The following GEMIN5 variants were observed in gnomAD, a reference collection of about 807,000 sequenced individuals.
GEMIN5 encodes the protein gem-associated protein 5.
GEMIN5 carries 124 observed loss-of-function variants against 176.9 expected under a neutral mutation model. The ratio of observed to expected loss-of-function variants is 0.70; its 90% CI spans 0.61 to 0.81. GEMIN5 has a LOEUF of 0.81. Among genes scored for constraint, GEMIN5 ranks in the 40% least tolerant of loss-of-function variants. The pLI is 0.00. For missense variants in GEMIN5, 1,843 were observed against 1,814.6 expected (o/e 1.02, Z -0.28); for synonymous variants, 673 against 665.2 (o/e 1.01, Z -0.18).
intron 12 of GEMIN5, among the ~76,000 whole-genome samples, 198 bp from the exon 13 acceptor site, chr5:154,917,377 A>T (rs1763836077): frequency 6.6e-6 from 1 of 152,256 alleles, no homozygotes; most frequent in South Asian, 2.1e-4. Context: ...TTTAGCTTTT[A>T]AAAATTCTAG....
chr5:154,901,182 T>A (rs1440254877), intron 21 of GEMIN5, among the ~76,000 whole-genome samples, 157 bp downstream of exon 21: 1 of 152,170 alleles, frequency 6.6e-6, no homozygotes, highest in Non-Finnish European at 1.5e-5. Context: ...AAAAATTAGT[T>A]GGATGTGGTG....
intron 11 of GEMIN5, among the ~76,000 whole-genome samples, chr5:154,918,448 GTTAA>G (rs1432504617): frequency 6.6e-6 from 1 of 152,010 alleles, no homozygotes; most frequent in Non-Finnish European, 1.5e-5. Context: ...CTCTTCTCTT[GTTAA>G]TTGTCTCTTT....
At chr5:154,915,619 C>T (rs1763794626) in intron 13 of GEMIN5, among the ~76,000 whole-genome samples, 1 of 152,162 alleles carries the variant, frequency 6.6e-6, no homozygotes, top group Admixed American at 6.5e-5. Flanking sequence ...ATTAGCGATG[C>T]TACTTGCTTG....
chr5:154,920,045 G>C lies in GEMIN5; in HGVS notation c.1521C>G (p.Val507=), dbSNP rs752482694. The part of the protein sequence containing the change: ...ALYSCGGEGI[V]LQHNPWKLSG... ...TAAGCTTCCAGGGATTATGCTGTAA[G>C]ACAATCCCTTCTCCTCCACAGCTGT... The change falls in exon 11 of 28, where the codon GTC becomes GTG. Residue 507 remains valine, a synonymous_variant. Coordinates refer to ENST00000285873, the MANE Select transcript of GEMIN5 (RefSeq NM_015465.5). 3 of 1,609,446 alleles carry C rather than the reference G, an allele frequency of 1.9e-6. No homozygotes were observed. Among genetic ancestry groups the C allele is most frequent in the South Asian group, 1.1e-5 (1 of 90,996 alleles).
Position 154,898,541 on chromosome 5 carries a change from C to A in GEMIN5, c.3244G>T (p.Glu1082Ter). 6.2e-7 allele frequency: 1 copy of A among 1,614,108 alleles called. No homozygotes were observed. Among genetic ancestry groups the A allele is most frequent in the Non-Finnish European group, 8.5e-7 (1 of 1,179,968 alleles). The change falls in exon 23 of 28, where the codon GAG becomes TAG. Residue 1082 changes from glutamate (E) to a stop codon, truncating the protein, a stop_gained. Coordinates refer to ENST00000285873, the MANE Select transcript of GEMIN5 (RefSeq NM_015465.5). LOFTEE classifies it high-confidence loss of function. ...AELAAIVGED[E>*]LSASLALRCA... The stretch of plus-strand genomic sequence containing the variant: ...CTGAGAGCCAGGGAAGCAGACAACT[C>A]ATCCTCTCCTACGATGGCAGCCAAC...
intron 27 of GEMIN5, 44 bp downstream of exon 27, chr5:154,889,277 C>T: frequency 9.8e-7 from 1 of 1,015,604 alleles, no homozygotes; most frequent in Non-Finnish European, 1.6e-6. Flanking sequence ...CAAGTGATAA[C>T]ACAAAAAGTG....
intron 24 of GEMIN5, among the ~76,000 whole-genome samples, chr5:154,895,294 C>G (rs891242303): frequency 7.0e-6 from 1 of 142,196 alleles, no homozygotes; most frequent in Non-Finnish European, 1.5e-5. Context: ...TTGAGGAATT[C>G]GAGACCAGCC....
In GEMIN5 at chr5:154,927,150, C is replaced by A. The variant is rs181304133; in HGVS notation, c.1080+235G>T. Among the ~76,000 whole-genome samples the A allele has an allele frequency of 8.3e-4, 127 of 152,170 alleles. 2 individuals carry two copies. The highest frequency in any genetic ancestry group is 6.8e-3 in the Middle Eastern group (2 of 292). On this transcript the variant is annotated intron_variant, in intron 7 of 27. Coordinates refer to ENST00000285873, the MANE Select transcript of GEMIN5 (RefSeq NM_015465.5). ...TTGACCTAATACATCCTTCCCTGGG[C>A]AAAACTACCCTTCTTTATTATGTCT...
At chr5:154,904,311 C>T (rs892077035) in intron 18 of GEMIN5, among the ~76,000 whole-genome samples, 196 bp downstream of exon 18, 4 of 151,962 alleles carry the variant, frequency 2.6e-5, no homozygotes, top group African/African-American at 4.8e-5. Flanking sequence ...GCAGTGCTGA[C>T]GGTGGGTCAC....
intron 7 of GEMIN5, 131 bp downstream of exon 7, chr5:154,927,254 T>C (rs754376695): frequency 6.8e-6 from 4 of 590,610 alleles, no homozygotes; most frequent in Admixed American, 5.6e-5. Flanking sequence ...TGCTGATCTG[T>C]AGCAGTAACT....
At chr5:154,899,433 A>G in intron 21 of GEMIN5, 123 bp from the exon 22 acceptor site, 1 of 764,418 alleles carries the variant, frequency 1.3e-6, no homozygotes, top group South Asian at 3.0e-5. Flanking sequence ...AACTTCCTTT[A>G]AAAACTGCAC....
At chr5:154,923,275 G>A (rs1419072134) in intron 9 of GEMIN5, among the ~76,000 whole-genome samples, 1 of 152,086 alleles carries the variant, frequency 6.6e-6, no homozygotes, top group East Asian at 1.9e-4. Context: ...AGCTACTCAG[G>A]AGGCTGAGGC....
intron 5 of GEMIN5, 96 bp from the exon 6 acceptor site, chr5:154,928,755 A>T: frequency 9.7e-7 from 1 of 1,034,290 alleles, no homozygotes; most frequent in Non-Finnish European, 1.5e-6. Flanking sequence ...GCGCTGTAAA[A>T]GCTTGTTAGT....
At position 154,891,241 on chromosome 5, in the gene GEMIN5, C is replaced by T; in HGVS notation, c.4262G>A (p.Cys1421Tyr). The stretch of plus-strand genomic sequence containing the variant: ...GTCTTGTACTTGCCTCAGTACTTAC[C>T]ACTGGCTCTGAGAACTGCAGAGGGG... ...EQPLCSSQSQ[C>Y]KEEKNEPLSL... Residue 1421 changes from cysteine (C) to tyrosine (Y), a missense_variant and splice_region_variant, in exon 26 of 28, where the codon TGT (cysteine) becomes TAT (tyrosine). By Grantham distance (194) the Cys-to-Tyr change is radical. Transcript: ENST00000285873. The T allele has an allele frequency of 6.2e-7, 1 of 1,612,094 alleles. No homozygotes were observed. The highest frequency in any genetic ancestry group is 8.5e-7 in the Non-Finnish European group (1 of 1,178,690).
chr5:154,891,479 C>G lies in GEMIN5; in HGVS notation c.4024G>C (p.Asp1342His), dbSNP rs751399665. The G allele has an allele frequency of 6.2e-7, 1 of 1,614,052 alleles. No individual in the cohort carries two copies. The highest frequency in any genetic ancestry group is 8.5e-7 in the Non-Finnish European group (1 of 1,180,050). The change falls in exon 26 of 28, where the codon GAC (aspartate) becomes CAC (histidine). Residue 1342 changes from aspartate (D) to histidine (H), a missense_variant. Transcript: ENST00000285873. Reference protein sequence around the residue: ...QPEPNRPSELDLRLTEEGERM... With the variant: ...QPEPNRPSELHLRLTEEGERM... ...TCACCTTCTTCTGTGAGTCTCAAGT[C>G]TAGTTCTGAAGGCCTGTTTGGCTCT...
Position 154,924,483 on chromosome 5 carries a change from G to A in GEMIN5, c.1365C>T (p.Asp455=), listed in dbSNP as rs748026851. 26 of 1,607,724 alleles carry A rather than the reference G, an allele frequency of 1.6e-5. No homozygotes were observed. The highest frequency in any genetic ancestry group is 8.3e-5 in the Admixed American group (5 of 59,954). The change falls in exon 9 of 28, where the codon GAC becomes GAT. Residue 455 remains aspartate (D), a synonymous_variant. Coordinates refer to ENST00000285873, the MANE Select transcript of GEMIN5 (RefSeq NM_015465.5). ...CCATTTCTTACTTGTTGGAGTAGGT[G>A]TCATACAATCCCACTTTTCCATCAT... ...GTDDGKVGLY[D]TYSNKPPQIS...
At chr5:154,903,538 G>A (rs185868417) in intron 18 of GEMIN5, among the ~76,000 whole-genome samples, 139 of 152,216 alleles carry the variant, frequency 9.1e-4, no homozygotes, top group African/African-American at 3.2e-3. Flanking sequence ...TGTGAAACTA[G>A]GTTAACTATG....
intron 5 of GEMIN5, among the ~76,000 whole-genome samples, chr5:154,929,642 G>C (rs1764120702): frequency 6.6e-6 from 1 of 152,234 alleles, no homozygotes; most frequent in Non-Finnish European, 1.5e-5. Context: ...CATTTTACCA[G>C]ACACCTCTAA....
chr5:154,907,590 C>T lies in GEMIN5; in HGVS notation c.2395+1G>A. 1 of 1,611,160 alleles carries T rather than the reference C, an allele frequency of 6.2e-7. No homozygotes were observed. The highest frequency in any genetic ancestry group is 1.1e-5 in the South Asian group (1 of 91,010). The stretch of plus-strand genomic sequence containing the variant: ...GTGATACACAGGATTCTGCCACATA[C>T]CCGCTGGAGCAAGGCCACAGGGTAA... On this transcript the variant is annotated splice_donor_variant, in intron 16 of 27. Transcript: ENST00000285873. LOFTEE classifies it high-confidence loss of function.
Sources: gnomAD v4.1 joint callset for allele counts (sites outside exome capture counted in the v4.1 genomes callset) on GRCh38, gnomAD v4.1.1 for gene constraint, MANE v1.5 for transcripts, NCBI Gene and HGNC (gene_info 2026-07-23, HGNC 2026-07-21) for gene names.